The following PPFIA2 variants were observed in gnomAD, a reference collection of about 807,000 sequenced individuals.
PPFIA2 encodes the protein liprin-alpha-2.
Under a neutral mutation model 175.5 loss-of-function variants are expected in PPFIA2, and 46 were observed. The observed-to-expected ratio is 0.26, with a 90% CI of 0.21 to 0.34. The LOEUF (loss-of-function observed/expected upper bound fraction) is 0.34, where lower values mean the gene tolerates loss of function less well. Among genes scored for constraint, PPFIA2 ranks in the 10% least tolerant of loss-of-function variants. The pLI is 1.00. For missense variants in PPFIA2, 1,179 were observed against 1,506.1 expected, an observed-to-expected ratio of 0.78 and a Z score of 3.60; for synonymous variants, 568 against 511.4, an observed-to-expected ratio of 1.11 and a Z score of -1.49.
In PPFIA2 at chr12:81,635,202, A is replaced by C. The variant is rs922957397; in HGVS notation, c.303+41589T>G. Among the ~76,000 whole-genome samples, 10 of 152,334 alleles carry C rather than the reference A, an allele frequency of 6.6e-5. No individual in the cohort carries two copies. In the South Asian group the frequency reaches 1.9e-3, roughly 28 times the overall value. Reference sequence around the variant, plus strand: ...ATAAATCAAGGTGGGCATACTTTAGAGTAAGAATCTCCTGAACCTTGGTGA... The same window carrying C: ...ATAAATCAAGGTGGGCATACTTTAGCGTAAGAATCTCCTGAACCTTGGTGA... On this transcript the variant is annotated intron_variant, in intron 4 of 32. Transcript: ENST00000549396.
chr12:81,301,632 C>G (rs1450912240), intron 22 of PPFIA2, among the ~76,000 whole-genome samples: 2 of 152,180 alleles, frequency 1.3e-5, no homozygotes, highest in African/African-American at 4.8e-5. Flanking sequence ...CTGCTACAAT[C>G]TATCGTACCC....
At chr12:81,524,556 T>C (rs2063523331) in intron 4 of PPFIA2, among the ~76,000 whole-genome samples, 1 of 152,214 alleles carries the variant, frequency 6.6e-6, no homozygotes, top group Admixed American at 6.5e-5. Flanking sequence ...AGCACATAAT[T>C]TGTTTTATTT....
chr12:81,515,521 G>T (rs1367204353), intron 4 of PPFIA2, among the ~76,000 whole-genome samples: 2 of 151,884 alleles, frequency 1.3e-5, no homozygotes, highest in African/African-American at 4.8e-5. Context: ...TTTCTGACTT[G>T]GGTTTGGATT....
intron 3 of PPFIA2, among the ~76,000 whole-genome samples, chr12:81,739,017 A>C (rs1201216816): frequency 6.6e-6 from 1 of 151,958 alleles, no homozygotes; most frequent in Non-Finnish European, 1.5e-5. Flanking sequence ...TCATGATGAT[A>C]AAAGGCTCAA....
At chr12:81,394,807 T>C (rs1191700949) in intron 8 of PPFIA2, among the ~76,000 whole-genome samples, 1 of 143,780 alleles carries the variant, frequency 7.0e-6, no homozygotes, top group African/African-American at 2.7e-5. Context: ...GTCCCAGAAG[T>C]TAAAAAAAAA....
At chr12:81,582,849 T>G (rs1483196411) in intron 4 of PPFIA2, among the ~76,000 whole-genome samples, 1 of 151,894 alleles carries the variant, frequency 6.6e-6, no homozygotes, top group East Asian at 1.9e-4. Flanking sequence ...ATACATTTTC[T>G]TGGAATTTAT....
Position 81,515,933 on chromosome 12 carries a change from C to T in PPFIA2, c.304-58067G>A, listed in dbSNP as rs114762743. On this transcript the variant is annotated intron_variant, in intron 4 of 32. Coordinates refer to ENST00000549396, the MANE Select transcript of PPFIA2 (RefSeq NM_003625.5). Reference sequence around the variant, plus strand: ...TTGAATTTCCACTATACCAGCACATCATATACTTGGAAAGACCTTAAACTC... The same window carrying T: ...TTGAATTTCCACTATACCAGCACATTATATACTTGGAAAGACCTTAAACTC... Among the ~76,000 whole-genome samples, 605 of 151,774 alleles carry T rather than the reference C, an allele frequency of 4.0e-3. 4 individuals are homozygous for T. The highest frequency in any genetic ancestry group is 0.014 in the African/African-American group (563 of 41,384).
chr12:81,684,320 ATGG>A (rs2074124918), intron 3 of PPFIA2, among the ~76,000 whole-genome samples: 1 of 152,106 alleles, frequency 6.6e-6, no homozygotes, highest in Non-Finnish European at 1.5e-5. Flanking sequence ...GTCCAGAGAA[ATGG>A]TGGTACATGG....
rs557141327 is a variant in PPFIA2 at position 81,510,858 on chromosome 12, A to G, written c.304-52992T>C. 2.3e-4 allele frequency among the ~76,000 whole-genome samples: 35 copies of G among 152,282 alleles called. No homozygotes were observed. In the South Asian group the frequency reaches 7.2e-3, roughly 32 times the overall value. ...GCATAAAAATAAGGCCATGTCTGAA[A>G]TCATGTTCACCCACATGAAACATTA... On this transcript the variant is annotated intron_variant, in intron 4 of 32. Transcript: ENST00000549396.
chr12:81,362,713 T>C lies in PPFIA2; in HGVS notation c.1617A>G (p.Leu539=), dbSNP rs2031340936. The change falls in exon 15 of 33, where the codon TTA becomes TTG. Residue 539 remains leucine, a synonymous_variant. Coordinates refer to ENST00000549396, the MANE Select transcript of PPFIA2 (RefSeq NM_003625.5). ...GTTACCTTGGTATTGTGGGTTCAAT[T>C]AAAGAGCCAGTTCTCATTTTCAATT... ...LDQLKMRTGS[L]IEPTIPRTHL... is the part of the protein sequence containing the mutation. The C allele has an allele frequency of 6.5e-7, 1 of 1,546,572 alleles. No homozygotes were observed. Among genetic ancestry groups the C allele is most frequent in the East Asian group, 2.4e-5 (1 of 40,916 alleles).
rs540184282 is a variant in PPFIA2 at position 81,406,616 on chromosome 12, GA to G, written c.646-714del. 2.6e-3 allele frequency among the ~76,000 whole-genome samples: 395 copies of G among 151,896 alleles called. 1 individual carries two copies. Among genetic ancestry groups the G allele is most frequent in the African/African-American group, 9.2e-3 (381 of 41,436 alleles). Reference sequence around the variant, plus strand: ...GCATAAGTGATCCTAGTAATAGAGTGAAAAATAGTATTTCAGTCTTTTTAAA... The same window carrying G: ...GCATAAGTGATCCTAGTAATAGAGTGAAAATAGTATTTCAGTCTTTTTAAA... On this transcript the variant is annotated intron_variant, in intron 7 of 32. Transcript: ENST00000549396.
chr12:81,516,914 T>A (rs1235960153), intron 4 of PPFIA2, among the ~76,000 whole-genome samples: 1 of 152,172 alleles, frequency 6.6e-6, no homozygotes, highest in Non-Finnish European at 1.5e-5. Context: ...AGATAACTTG[T>A]CATATCACTT....
At chr12:81,672,686 C>T (rs2071663239) in intron 4 of PPFIA2, among the ~76,000 whole-genome samples, 2 of 151,834 alleles carry the variant, frequency 1.3e-5, no homozygotes, top group South Asian at 4.2e-4. Context: ...CTTATTATTC[C>T]AAAGAAATAA....
At chr12:81,444,101 G>C (rs2050780487) in intron 6 of PPFIA2, among the ~76,000 whole-genome samples, 1 of 151,668 alleles carries the variant, frequency 6.6e-6, no homozygotes, top group African/African-American at 2.4e-5. Context: ...TGATCCGCCC[G>C]CCTCGGCCTC....
intron 4 of PPFIA2, among the ~76,000 whole-genome samples, chr12:81,667,923 G>A (rs1567793528): frequency 6.6e-6 from 1 of 151,956 alleles, no homozygotes. Context: ...TTTCTTCTAG[G>A]TTGGGGCAGG....
rs184126241 is a variant in PPFIA2 at position 81,536,313 on chromosome 12, C to T, written c.304-78447G>A. On this transcript the variant is annotated intron_variant, in intron 4 of 32. Coordinates refer to ENST00000549396, the MANE Select transcript of PPFIA2 (RefSeq NM_003625.5). ...AATTTCCAAATTTCACTCTAACATA[C>T]TCATAAATACTTAATATTACATATA... 2.9e-3 allele frequency among the ~76,000 whole-genome samples: 439 copies of T among 151,746 alleles called. 4 individuals carry two copies. Among genetic ancestry groups the T allele is most frequent in the Admixed American group, 5.7e-3 (87 of 15,190 alleles).
chr12:81,574,417 A>AT (rs567261881), intron 4 of PPFIA2, among the ~76,000 whole-genome samples: 47 of 151,508 alleles, frequency 3.1e-4, no homozygotes, highest in Middle Eastern at 3.4e-3. Context: ...TATTCCTTGT[A>AT]TTTTTTTTAA....
intron 4 of PPFIA2, among the ~76,000 whole-genome samples, chr12:81,671,622 C>CT (rs2071432602): frequency 6.6e-6 from 1 of 151,864 alleles, no homozygotes; most frequent in African/African-American, 2.4e-5. Context: ...CAATGCTTCC[C>CT]TTTGGTCTTT....
At chr12:81,328,217 T>C (rs927824760) in intron 21 of PPFIA2, among the ~76,000 whole-genome samples, 1 of 152,208 alleles carries the variant, frequency 6.6e-6, no homozygotes, top group African/African-American at 2.4e-5. Flanking sequence ...ACTCTATGGA[T>C]GATTATCTAA....
Sources: allele counts gnomAD v4.1 joint callset (sites outside exome capture counted in the v4.1 genomes callset), GRCh38; gene constraint gnomAD v4.1.1; transcripts MANE v1.5; gene names NCBI Gene and HGNC (gene_info 2026-07-23, HGNC 2026-07-21).